The following ASB2 variants were observed in gnomAD, a reference collection of about 807,000 sequenced individuals.
The protein encoded by ASB2 is ankyrin repeat and SOCS box protein 2.
In ASB2, 58 loss-of-function variants were observed where a neutral mutation model predicts 62.4. The observed-to-expected ratio is 0.93, with a 90% CI of 0.75 to 1.16. The LOEUF is 1.16. Among genes scored for constraint, ASB2 ranks in the 50% most tolerant of loss-of-function variants. ASB2 has a pLI of 0.00. For synonymous variants in ASB2, 386 were observed against 385.3 expected (o/e 1.00, Z -0.02); for missense variants, 928 against 887.9 (o/e 1.05, Z -0.57).
chr14:93,947,618 G>A lies in ASB2; in HGVS notation c.881-98C>T, dbSNP rs760306203. On this transcript the variant is annotated intron_variant, in intron 6 of 9. Coordinates refer to ENST00000555019, the MANE Select transcript of ASB2 (RefSeq NM_001202429.2). ...GTGGTGGGCCTGCTGTGCTAACCAC[G>A]GTAATGCACGGGACCTTTAACAACG... is the stretch of plus-strand genomic sequence containing the variant. 1.2e-5 allele frequency: 14 copies of A among 1,216,716 alleles called. No individual in the cohort carries two copies. The East Asian group carries it at 1.4e-4, about 12-fold the overall frequency. The allele number at this position is 1,216,716 out of a possible 1,614,324, so 75.4% of individuals were successfully genotyped here.
rs1160843773 is a variant in ASB2, at chr14:93,956,757, G to A, written c.311+9C>T. 5.6e-6 allele frequency: 9 copies of A among 1,614,006 alleles called. No homozygotes were observed. Among genetic ancestry groups the A allele is most frequent in the Non-Finnish European group, 7.6e-6 (9 of 1,180,018 alleles). ...TGGATGGTCCTGGGGCCAGACAGGA[G>A]TCACTTACGCCAGCTGGGAGGTCTT... On this transcript the variant is annotated intron_variant, in intron 3 of 9. Coordinates refer to ENST00000555019, the MANE Select transcript of ASB2 (RefSeq NM_001202429.2).
At chr14:93,972,723 G>A (rs564493516) in intron 1 of ASB2, among the ~76,000 whole-genome samples, 3 of 152,314 alleles carry the variant, frequency 2.0e-5, no homozygotes, top group East Asian at 3.9e-4. Context: ...GTAAGGAAGG[G>A]GGGATGGAAT....
At chr14:93,976,114 A>G (rs1249040540) in intron 1 of ASB2, among the ~76,000 whole-genome samples, 1 of 152,236 alleles carries the variant, frequency 6.6e-6, no homozygotes, top group African/African-American at 2.4e-5. Flanking sequence ...GATACCGCCC[A>G]AGACCTACAG....
chr14:93,947,541 A>G, intron 6 of ASB2, 21 bp from the exon 7 acceptor site: 1 of 1,611,354 alleles, frequency 6.2e-7, no homozygotes, highest in Non-Finnish European at 8.5e-7. Flanking sequence ...AGAAGAGATC[A>G]GCAAGTGGCC....
chr14:93,957,403 G>A, intron 2 of ASB2: 1 of 1,014,686 alleles, frequency 9.9e-7, no homozygotes, highest in Non-Finnish European at 1.2e-6. Flanking sequence ...AGGGGTAGGA[G>A]CAGACACTAT....
At chr14:93,949,910 C>G (rs1004301064) in intron 6 of ASB2, among the ~76,000 whole-genome samples, 3 of 152,140 alleles carry the variant, frequency 2.0e-5, no homozygotes, top group African/African-American at 7.2e-5. Flanking sequence ...CCTATGTTCC[C>G]CACTGCTCAG....
intron 4 of ASB2, 140 bp downstream of exon 4, chr14:93,954,177 C>G: frequency 2.8e-6 from 2 of 720,058 alleles, no homozygotes; most frequent in Non-Finnish European, 4.7e-6. Context: ...AACTCCATGA[C>G]TAACTGACAA....
At chr14:93,951,334 T>A (rs567055921) in intron 5 of ASB2, 90 bp from the exon 6 acceptor site, 3 of 1,432,016 alleles carry the variant, frequency 2.1e-6, no homozygotes, top group Admixed American at 4.1e-5. Context: ...CATTCACTCA[T>A]CCACTCATTC....
At position 93,934,780 on chromosome 14, in the gene ASB2, G is replaced by A. The variant is rs1490594774; in HGVS notation, c.1784C>T (p.Pro595Leu). 3.1e-6 allele frequency: 5 copies of A among 1,613,322 alleles called. No individual in the cohort carries two copies. The highest frequency in any genetic ancestry group is 2.7e-5 in the African/African-American group (2 of 75,026). The change falls in exon 10 of 10, where the codon CCT becomes CTT. Residue 595 changes from proline to leucine, a missense_variant. Transcript: ENST00000555019. ...VIKEKAEPPR[P>L]LAHLCRLRVR... Reference sequence around the variant, plus strand: ...CCGCAGTCGGCAAAGGTGAGCCAGAGGTCTTGGAGGTTCTGAAAAAAGGAG... The same window carrying A: ...CCGCAGTCGGCAAAGGTGAGCCAGAAGTCTTGGAGGTTCTGAAAAAAGGAG...
chr14:93,953,317 C>G (rs201309635), intron 5 of ASB2, 35 bp downstream of exon 5: 1 of 1,507,586 alleles, frequency 6.6e-7, no homozygotes, highest in Non-Finnish European at 9.0e-7. Context: ...CTGGATTCTT[C>G]CGCAGGAAAG....
Position 93,953,469 on chromosome 14 carries a change from C to T in ASB2, c.517G>A (p.Glu173Lys). Residue 173 changes from glutamate (E) to lysine (K), a missense_variant, in exon 5 of 10, where the codon GAA becomes AAA. Glu to Lys is a moderately conservative substitution (Grantham distance 56). Transcript: ENST00000555019. ...GTIDQRTLQE[E>K]TAVYLATCRG... ...CACGTTGCCAAGTAAACGGCTGTTT[C>T]CTCCTGCAGGGTGCGCTGGTCGATG... is the stretch of plus-strand genomic sequence containing the variant. The T allele has an allele frequency of 1.9e-6, 3 of 1,604,942 alleles. No individual in the cohort carries two copies. The highest frequency in any genetic ancestry group is 2.6e-6 in the Non-Finnish European group (3 of 1,172,680).
chr14:93,972,674 G>A (rs751962810), intron 1 of ASB2, among the ~76,000 whole-genome samples: 1 of 152,234 alleles, frequency 6.6e-6, no homozygotes, highest in Admixed American at 6.5e-5. Context: ...CCCTCTGGAG[G>A]CTTCATCTCT....
At chr14:93,957,472 C>T in intron 2 of ASB2, 2 of 833,182 alleles carry the variant, frequency 2.4e-6, no homozygotes, top group Non-Finnish European at 2.9e-6. Context: ...ACCAGGGCTG[C>T]AGTCAGACAG....
At chr14:93,965,343 A>G (rs1889555228) in intron 1 of ASB2, among the ~76,000 whole-genome samples, 1 of 152,256 alleles carries the variant, frequency 6.6e-6, no homozygotes, top group Non-Finnish European at 1.5e-5. Flanking sequence ...CATACCAGTT[A>G]CCAAGAGCAT....
At chr14:93,952,784 A>G (rs758318000) in intron 5 of ASB2, among the ~76,000 whole-genome samples, 1 of 152,226 alleles carries the variant, frequency 6.6e-6, no homozygotes, top group Non-Finnish European at 1.5e-5. Flanking sequence ...CACATACTAA[A>G]CACTCAATCA....
rs184325770 is a variant in ASB2 at position 93,934,733 on chromosome 14, A to G, written c.1831T>C (p.Tyr611His). The G allele has an allele frequency of 1.3e-5, 21 of 1,613,828 alleles. No homozygotes were observed. In the Admixed American group the frequency reaches 3.3e-4, roughly 26 times the overall value. ...AAGGTGTCTAGGAGTTTTATACGGT[A>G]TTTCCCAATGGCCTTTCGAACCCGC... is the stretch of plus-strand genomic sequence containing the variant. Reference protein sequence around the residue: ...RLRVRKAIGKYRIKLLDTLPL... With the variant: ...RLRVRKAIGKHRIKLLDTLPL... The change falls in exon 10 of 10, where the codon TAC becomes CAC. Residue 611 changes from tyrosine to histidine, a missense_variant. By Grantham distance (83) the Tyr-to-His change is moderately conservative (BLOSUM62 2). Coordinates refer to ENST00000555019, the MANE Select transcript of ASB2 (RefSeq NM_001202429.2).
chr14:93,969,750 T>C (rs980900724), intron 1 of ASB2, among the ~76,000 whole-genome samples: 3 of 152,132 alleles, frequency 2.0e-5, no homozygotes, highest in African/African-American at 7.2e-5. Flanking sequence ...AAGGGAGGCC[T>C]GGCCCCGCAG....
intron 7 of ASB2, among the ~76,000 whole-genome samples, chr14:93,943,429 G>C (rs1888607770): frequency 6.6e-6 from 1 of 152,218 alleles, no homozygotes; most frequent in Admixed American, 6.5e-5. Context: ...TGGATCAGTT[G>C]AGCTCAGGAG....
At chr14:93,957,160 C>A in intron 2 of ASB2, 1 of 1,356,472 alleles carries the variant, frequency 7.4e-7, no homozygotes, top group Non-Finnish European at 9.4e-7. Flanking sequence ...CCCAGCCAAC[C>A]ACGAAAGAGG....
Sources: allele counts gnomAD v4.1 joint callset (sites outside exome capture counted in the v4.1 genomes callset), GRCh38; gene constraint gnomAD v4.1.1; transcripts MANE v1.5; gene names NCBI Gene and HGNC (gene_info 2026-07-23, HGNC 2026-07-21).